Variants in ZMYM4 observed in about 807,000 individuals in gnomAD.
ZMYM4 encodes the protein zinc finger MYM-type containing 4.
Under a neutral mutation model 183.2 loss-of-function variants are expected in ZMYM4, and 31 were observed. The observed-to-expected ratio is 0.17, with a 90% CI of 0.13 to 0.23. The LOEUF is 0.23. ZMYM4 is among the 10% of genes least tolerant of loss of function. The pLI is 1.00. For missense variants in ZMYM4, 1,273 were observed against 1,840.3 expected (o/e 0.69, Z 5.64); for synonymous variants, 592 against 631.2 (o/e 0.94, Z 0.93).
Position 35,270,792 on chromosome 1 carries a change from A to G in ZMYM4, c.39+1707A>G, listed in dbSNP as rs1295089436. On this transcript the variant is annotated intron_variant, in intron 1 of 29. Transcript: ENST00000314607. ...GCACTGTCTCAAAACCCCCTCCAAAAAAAAAATTGCATTCCACTTGTTTTA... is the reference window on the plus strand; with the variant it reads ...GCACTGTCTCAAAACCCCCTCCAAAGAAAAAATTGCATTCCACTTGTTTTA... 3.9e-5 allele frequency among the ~76,000 whole-genome samples: 6 copies of G among 152,098 alleles called. No individual in the cohort carries two copies. The East Asian group carries it at 9.6e-4, about 24-fold the overall frequency.
chr1:35,359,242 A>G lies in ZMYM4; in HGVS notation c.403A>G (p.Lys135Glu), dbSNP rs1643888907. The G allele has an allele frequency of 6.2e-7, 1 of 1,609,700 alleles. No homozygotes were observed. The highest frequency in any genetic ancestry group is 1.7e-5 in the Admixed American group (1 of 59,312). The change falls in exon 3 of 30, where the codon AAA (lysine) becomes GAA (glutamate). Residue 135 changes from lysine (K) to glutamate (E), a missense_variant. Physicochemically the swap from Lys to Glu is moderately conservative, Grantham distance 56. Around this residue, in one of 6 missense-constraint regions of ZMYM4, gnomAD observed 384 missense variants for 465.6 expected, o/e 0.82. Coordinates refer to ENST00000314607, the MANE Select transcript of ZMYM4 (RefSeq NM_005095.3). ...ENEIQIQNKL[K>E]KDFPKQFDQV... ...TGAAATACAAATTCAAAATAAGTTA[A>G]AAAAAGACTTTCCTAAACAATTTGA...
At chr1:35,353,382 TTGTC>T (rs1388146926) in intron 2 of ZMYM4, among the ~76,000 whole-genome samples, 4 of 152,230 alleles carry the variant, frequency 2.6e-5, no homozygotes, top group South Asian at 2.1e-4. Context: ...TTATGTTAAT[TTGTC>T]TGTAGAGTCT....
chr1:35,370,522 G>C lies in ZMYM4; in HGVS notation c.1076G>C (p.Gly359Ala). The C allele has an allele frequency of 6.2e-7, 1 of 1,612,980 alleles. No individual in the cohort carries two copies. The highest frequency in any genetic ancestry group is 8.5e-7 in the Non-Finnish European group (1 of 1,179,734). ...QKGQTAYQRK[G>A]STQLFCSTLC... ...GGGCAAACTGCTTATCAGAGGAAAG[G>C]GTCTACTCAGCTATTCTGCTCCACA... The change falls in exon 7 of 30, where the codon GGG becomes GCG. Residue 359 changes from glycine to alanine, a missense_variant. This residue lies in a region of ZMYM4 where 384 missense variants were observed against 465.6 expected (regional missense o/e 0.82). Coordinates refer to ENST00000314607, the MANE Select transcript of ZMYM4 (RefSeq NM_005095.3).
intron 1 of ZMYM4, among the ~76,000 whole-genome samples, chr1:35,306,636 G>A (rs536234952): frequency 1.3e-5 from 2 of 152,166 alleles, no homozygotes; most frequent in South Asian, 2.1e-4. Flanking sequence ...TGGCTTTCCA[G>A]TAACCATATG....
chr1:35,290,785 A>G (rs1640723970), intron 1 of ZMYM4, among the ~76,000 whole-genome samples: 1 of 152,188 alleles, frequency 6.6e-6, no homozygotes, highest in Non-Finnish European at 1.5e-5. Flanking sequence ...CTCTGAATAT[A>G]CTAAGCACAA....
intron 26 of ZMYM4, among the ~76,000 whole-genome samples, chr1:35,410,357 A>G (rs1036755611): frequency 6.6e-6 from 1 of 152,176 alleles, no homozygotes; most frequent in Non-Finnish European, 1.5e-5. Context: ...TATTCTAGAT[A>G]TTAAACTTTT....
intron 2 of ZMYM4, among the ~76,000 whole-genome samples, chr1:35,341,370 A>G (rs1340431546): frequency 2.6e-5 from 4 of 152,102 alleles, no homozygotes; most frequent in Admixed American, 1.3e-4. Flanking sequence ...TTGTTCTTAC[A>G]TACAATAAGA....
chr1:35,306,276 T>G (rs1641529608), intron 1 of ZMYM4, among the ~76,000 whole-genome samples: 2 of 152,200 alleles, frequency 1.3e-5, no homozygotes, highest in South Asian at 2.1e-4. Flanking sequence ...ACCTGTAGAA[T>G]AGTATATTTC....
intron 1 of ZMYM4, 79 bp from the exon 2 acceptor site, chr1:35,325,281 G>A: frequency 7.6e-7 from 1 of 1,313,072 alleles, no homozygotes; most frequent in Non-Finnish European, 1.1e-6. Flanking sequence ...AGCTCCTTGG[G>A]GAATAGGGAG....
At chr1:35,363,673 T>C (rs1643999267) in intron 5 of ZMYM4, among the ~76,000 whole-genome samples, 1 of 152,124 alleles carries the variant, frequency 6.6e-6, no homozygotes. Flanking sequence ...AAGAAGAAAG[T>C]AGAAGGAATA....
At chr1:35,320,783 G>T (rs773470525) in intron 1 of ZMYM4, among the ~76,000 whole-genome samples, 3 of 152,118 alleles carry the variant, frequency 2.0e-5, no homozygotes, top group Non-Finnish European at 4.4e-5. Context: ...CCACATATCT[G>T]GTCACTGAAA....
At chr1:35,391,400 A>G (rs896853039) in intron 15 of ZMYM4, among the ~76,000 whole-genome samples, 3 of 152,264 alleles carry the variant, frequency 2.0e-5, no homozygotes, top group African/African-American at 7.2e-5. Context: ...TCTTATCAGG[A>G]CTACACACTA....
chr1:35,304,819 T>G (rs905999656), intron 1 of ZMYM4, among the ~76,000 whole-genome samples: 45 of 147,130 alleles, frequency 3.1e-4, no homozygotes, highest in Non-Finnish European at 5.2e-4. Flanking sequence ...CAGCATATAG[T>G]GTATCTTGGT....
chr1:35,375,282 T>A (rs1644311104), intron 7 of ZMYM4, among the ~76,000 whole-genome samples: 1 of 152,222 alleles, frequency 6.6e-6, no homozygotes, highest in Non-Finnish European at 1.5e-5. Context: ...CAACACTACC[T>A]TTCCTTCTTT....
chr1:35,289,102 A>G (rs942683118), intron 1 of ZMYM4, among the ~76,000 whole-genome samples: 3 of 152,206 alleles, frequency 2.0e-5, no homozygotes, highest in Admixed American at 1.3e-4. Context: ...AATTTTAGGT[A>G]GTGAAGAAAA....
intron 1 of ZMYM4, among the ~76,000 whole-genome samples, chr1:35,294,586 A>C (rs368149047): frequency 6.6e-6 from 1 of 152,224 alleles, no homozygotes; most frequent in South Asian, 2.1e-4. Flanking sequence ...ATTCATGTCT[A>C]TATAACAGTA....
At chr1:35,398,222 TAA>T (rs1356365919) in intron 20 of ZMYM4, among the ~76,000 whole-genome samples, 189 bp from the exon 21 acceptor site, 2 of 152,222 alleles carry the variant, frequency 1.3e-5, no homozygotes, top group East Asian at 3.8e-4. Flanking sequence ...GAATCCCCAT[TAA>T]CAGTGGTAAT....
chr1:35,273,739 T>G (rs1360799691), intron 1 of ZMYM4, among the ~76,000 whole-genome samples: 2 of 152,194 alleles, frequency 1.3e-5, no homozygotes, highest in Non-Finnish European at 2.9e-5. Flanking sequence ...TGTACATGTA[T>G]GAACTTAGAG....
chr1:35,354,520 G>C (rs200142561), intron 2 of ZMYM4, among the ~76,000 whole-genome samples: 4 of 151,946 alleles, frequency 2.6e-5, no homozygotes, highest in African/African-American at 9.7e-5. Flanking sequence ...GAGGTCAGGA[G>C]TTTTGAGACC....
Sources: allele counts gnomAD v4.1 joint callset (sites outside exome capture counted in the v4.1 genomes callset), GRCh38; gene constraint gnomAD v4.1.1; regional missense constraint gnomAD v4.1.1; transcripts MANE v1.5; gene names NCBI Gene and HGNC (gene_info 2026-07-23, HGNC 2026-07-21).